Variants in RC3H1 observed in about 807,000 individuals in gnomAD.
The protein encoded by RC3H1 is ring finger and CCCH-type domains 1.
Under a neutral mutation model 138.2 loss-of-function variants are expected in RC3H1, and 50 were observed. That is an observed-to-expected ratio of 0.36 (90% CI 0.29 to 0.46). The LOEUF (loss-of-function observed/expected upper bound fraction) is 0.46. Among genes scored for constraint, RC3H1 ranks in the 20% least tolerant of loss-of-function variants. The probability of loss-of-function intolerance (pLI) is 1.00; values close to 1 mark genes in which losing one functional copy is unlikely to be tolerated. For synonymous variants in RC3H1, 462 were observed against 489.1 expected, an observed-to-expected ratio of 0.94 and a Z score of 0.73; for missense variants, 1,031 against 1,388.1, an observed-to-expected ratio of 0.74 and a Z score of 4.09.
At chr1:174,017,783 C>CCAAAAAAAAAAAAAAAAAAAAAAAA (rs1165317766) in intron 1 of RC3H1, among the ~76,000 whole-genome samples, 3 of 72,038 alleles carry the variant, frequency 4.2e-5, no homozygotes, top group Admixed American at 1.7e-4. Flanking sequence ...TTTTCTTGCT[C>CCAAAAAAAAAAAAAAAAAAAAAAAA]AAAAAAAAAA....
rs1439473200 is a variant in RC3H1, at chr1:173,938,680, A to T, written c.*41T>A. Reference sequence around the variant, plus strand: ...GTTCTCCTACCCCTATGCCCGACAAACTGATTAGGAGCAGAAGATAAAAGT... The same window carrying T: ...GTTCTCCTACCCCTATGCCCGACAATCTGATTAGGAGCAGAAGATAAAAGT... On this transcript the variant is annotated 3_prime_UTR_variant, in exon 20 of 20. Transcript: ENST00000367696. 6.7e-7 allele frequency: 1 copy of T among 1,502,524 alleles called. No individual in the cohort carries two copies. Among genetic ancestry groups the T allele is most frequent in the Non-Finnish European group, 9.0e-7 (1 of 1,109,372 alleles). 93.1% of individuals were successfully genotyped at this position (1,502,524 alleles called of 1,614,324 possible).
intron 2 of RC3H1, among the ~76,000 whole-genome samples, chr1:173,989,107 C>T (rs757271067): frequency 1.3e-5 from 2 of 152,228 alleles, no homozygotes; most frequent in African/African-American, 2.4e-5. Context: ...AGGCTCACTG[C>T]AGCCTCCATC....
At chr1:173,996,720 C>T (rs915504036) in intron 1 of RC3H1, among the ~76,000 whole-genome samples, 1 of 152,168 alleles carries the variant, frequency 6.6e-6, no homozygotes, top group Non-Finnish European at 1.5e-5. Flanking sequence ...GGGACCCCTC[C>T]TCTACATGCA....
chr1:173,988,984 C>G (rs1457500151), intron 2 of RC3H1, among the ~76,000 whole-genome samples: 1 of 152,128 alleles, frequency 6.6e-6, no homozygotes, highest in African/African-American at 2.4e-5. Flanking sequence ...TTCTCACATT[C>G]TGTAGGTTGT....
At position 173,933,916 on chromosome 1, in the gene RC3H1, G is replaced by A. The variant is rs1243096860; in HGVS notation, c.*4805C>T. On this transcript the variant is annotated 3_prime_UTR_variant, in exon 20 of 20. Transcript: ENST00000367696. ...TTGCAACACTGTAACCATATCATCA[G>A]TTAAAAATTTAACACACTTAGACTC... 3 of 150,946 alleles carry A rather than the reference G, an allele frequency of 2.0e-5. No individual in the cohort carries two copies. Among genetic ancestry groups the A allele is most frequent in the African/African-American group, 7.4e-5 (3 of 40,290 alleles). The allele number at this position is 150,946 out of a possible 1,614,324, so 9.4% of individuals were successfully genotyped here. A position where few individuals can be genotyped will look rare whatever the true frequency, so the allele number is the denominator to read the frequency against.
chr1:174,011,261 A>G (rs1027259253), intron 1 of RC3H1, among the ~76,000 whole-genome samples: 6 of 152,098 alleles, frequency 3.9e-5, no homozygotes, highest in African/African-American at 1.4e-4. Context: ...CAAAGAATCC[A>G]TAACTCAATT....
At chr1:173,960,825 G>A (rs1236898683) in intron 13 of RC3H1, among the ~76,000 whole-genome samples, 3 of 152,112 alleles carry the variant, frequency 2.0e-5, no homozygotes, top group African/African-American at 7.2e-5. Flanking sequence ...ACCAGGGAAA[G>A]CATGCTGATT....
At chr1:173,941,518 TAA>T (rs1658860461) in intron 18 of RC3H1, 138 bp from the exon 19 acceptor site, 2 of 598,864 alleles carry the variant, frequency 3.3e-6, no homozygotes, top group African/African-American at 3.7e-5. Context: ...ACTGGCAGAC[TAA>T]AAGAGTGACA....
chr1:173,979,888 C>T (rs1196718482), intron 6 of RC3H1, among the ~76,000 whole-genome samples: 1 of 151,992 alleles, frequency 6.6e-6, no homozygotes, highest in Non-Finnish European at 1.5e-5. Flanking sequence ...AAATTATGTA[C>T]CGCCTTTTTA....
Position 173,996,520 on chromosome 1 carries a change from AC to A in RC3H1, c.-150-3386del, listed in dbSNP as rs111645473. Among the ~76,000 whole-genome samples, 604 of 152,178 alleles carry A rather than the reference AC, an allele frequency of 4.0e-3. 4 individuals carry two copies. The highest frequency in any genetic ancestry group is 0.013 in the African/African-American group (523 of 41,520). ...TGCCTTGCAGCCTATTTTTGCCTAAACCCTGTGTAGAATGCAGTCACCTAGA... is the reference window on the plus strand; with the variant it reads ...TGCCTTGCAGCCTATTTTTGCCTAAACCTGTGTAGAATGCAGTCACCTAGA... On this transcript the variant is annotated intron_variant, in intron 1 of 19. Coordinates refer to ENST00000367696, the MANE Select transcript of RC3H1 (RefSeq NM_172071.4).
chr1:174,021,258 C>T (rs867998404), intron 1 of RC3H1, among the ~76,000 whole-genome samples: 5 of 152,294 alleles, frequency 3.3e-5, no homozygotes, highest in Non-Finnish European at 4.4e-5. Flanking sequence ...TACAGTTTGT[C>T]TCCGCGTTGC....
At position 173,943,528 on chromosome 1, in the gene RC3H1, G is replaced by A; in HGVS notation, c.3049C>T (p.Pro1017Ser). ...QPPPPPPPKW[P>S]GMISSEQLSL... ...AACTGCTCACTTGAGATCATCCCAG[G>A]CCATTTTGGAGGTGGCGGTGGTGGG... The change falls in exon 18 of 20, where the codon CCT becomes TCT. Residue 1017 changes from proline to serine, a missense_variant. Physicochemically the swap from Pro to Ser is moderately conservative, Grantham distance 74. This residue lies in a region of RC3H1 where 716 missense variants were observed against 837.9 expected (regional missense o/e 0.85). Transcript: ENST00000367696. The A allele has an allele frequency of 6.2e-7, 1 of 1,614,132 alleles. No homozygotes were observed. Among genetic ancestry groups the A allele is most frequent in the South Asian group, 1.1e-5 (1 of 91,084 alleles).
intron 2 of RC3H1, among the ~76,000 whole-genome samples, chr1:173,986,006 T>C (rs1557944178): frequency 6.6e-6 from 1 of 152,188 alleles, no homozygotes; most frequent in Admixed American, 6.5e-5. Context: ...TTATCCTGTA[T>C]TCAGTTTCCC....
At chr1:174,019,893 A>G (rs1234170661) in intron 1 of RC3H1, among the ~76,000 whole-genome samples, 3 of 152,204 alleles carry the variant, frequency 2.0e-5, no homozygotes, top group Non-Finnish European at 4.4e-5. Flanking sequence ...CCAATCTGAA[A>G]TACAAAACCT....
intron 1 of RC3H1, among the ~76,000 whole-genome samples, chr1:173,995,227 A>G (rs1239825010): frequency 5.3e-5 from 8 of 152,084 alleles, no homozygotes; most frequent in Non-Finnish European, 1.5e-5. Context: ...AGATTCTGAG[A>G]CTAGATAGAA....
rs144573808 is a variant in RC3H1 at position 173,955,474 on chromosome 1, C to T, written c.2371-3336G>A. ...CTGGGACCGCAGATGCCCACCACCACGCCCGGCTAGTTTTGTTTTCGTATT... is the reference window on the plus strand; with the variant it reads ...CTGGGACCGCAGATGCCCACCACCATGCCCGGCTAGTTTTGTTTTCGTATT... On this transcript the variant is annotated intron_variant, in intron 13 of 19. Transcript: ENST00000367696. Among the ~76,000 whole-genome samples, 8 of 151,516 alleles carry T rather than the reference C, an allele frequency of 5.3e-5. No individual in the cohort carries two copies. The East Asian group carries it at 6.1e-4, about 11-fold the overall frequency.
rs568363845 is a variant in RC3H1, at chr1:173,943,388, C to T, written c.3135+54G>A. 440 of 1,513,176 alleles carry T rather than the reference C, an allele frequency of 2.9e-4. 1 individual carries two copies. The highest frequency in any genetic ancestry group is 1.6e-3 in the Middle Eastern group (9 of 5,720). 93.7% of individuals were successfully genotyped at this position (1,513,176 alleles called of 1,614,324 possible). Reference sequence around the variant, plus strand: ...TCTGTGCCTCTAGATAATTCTAGAGCCACATGAAAGATTTCATTTCACCTT... The same window carrying T: ...TCTGTGCCTCTAGATAATTCTAGAGTCACATGAAAGATTTCATTTCACCTT... On this transcript the variant is annotated intron_variant, in intron 18 of 19. Coordinates refer to ENST00000367696, the MANE Select transcript of RC3H1 (RefSeq NM_172071.4).
intron 17 of RC3H1, 112 bp downstream of exon 17, chr1:173,946,364 C>A: frequency 1.1e-6 from 1 of 904,026 alleles, no homozygotes; most frequent in Non-Finnish European, 1.7e-6. Flanking sequence ...CCTATACTAA[C>A]TCCTAAGAAA....
chr1:173,945,300 A>T (rs758104734), intron 17 of RC3H1, among the ~76,000 whole-genome samples: 59 of 152,026 alleles, frequency 3.9e-4, no homozygotes, highest in Non-Finnish European at 6.9e-4. Context: ...CAATTTTTGC[A>T]CTTTTTGTAG....
Sources: gnomAD v4.1 joint callset for allele counts (sites outside exome capture counted in the v4.1 genomes callset) on GRCh38, gnomAD v4.1.1 for gene constraint, gnomAD v4.1.1 regional missense constraint, MANE v1.5 for transcripts, NCBI Gene and HGNC (gene_info 2026-07-23, HGNC 2026-07-21) for gene names.